Variants in TAX1BP1 observed in about 807,000 individuals in gnomAD.
TAX1BP1 encodes the protein tax1-binding protein 1.
In TAX1BP1, 62 loss-of-function variants were observed where a neutral mutation model predicts 97.7. The observed-to-expected ratio is 0.63, with a 90% CI of 0.52 to 0.78. The LOEUF (loss-of-function observed/expected upper bound fraction) is 0.78, where lower values mean the gene tolerates loss of function less well. Among genes scored for constraint, TAX1BP1 ranks in the 30% least tolerant of loss-of-function variants. The pLI is 0.00. For synonymous variants in TAX1BP1, 340 were observed against 304.2 expected, an observed-to-expected ratio of 1.12 and a Z score of -1.23; for missense variants, 867 against 916.1, an observed-to-expected ratio of 0.95 and a Z score of 0.69.
In TAX1BP1 at chr7:27,760,862, A is replaced by T. The variant is rs185204969; in HGVS notation, c.265+2729A>T. ...TTAATTTGGAATCCTGCGTGCTTTA[A>T]GACACACAGAAATTTATGTCCCACC... On this transcript the variant is annotated intron_variant, in intron 3 of 16. Coordinates refer to ENST00000396319, the MANE Select transcript of TAX1BP1 (RefSeq NM_006024.7). 7.5e-4 allele frequency among the ~76,000 whole-genome samples: 115 copies of T among 152,342 alleles called. 1 individual carries two copies. Among genetic ancestry groups the T allele is most frequent in the African/African-American group, 2.7e-3 (113 of 41,580 alleles).
chr7:27,758,094 G>T lies in TAX1BP1; in HGVS notation c.226G>T (p.Val76Leu), dbSNP rs1788293744. The part of the protein sequence containing the change: ...FLWSPMPEHY[V>L]EGSTVNCVLA... ...ATGGTCCCCTATGCCTGAACATTAT[G>T]TGGAAGGATCAACAGTCAATTGTGT... Residue 76 changes from valine to leucine, a missense_variant, in exon 3 of 17, where the codon GTG (valine) becomes TTG (leucine). Physicochemically the swap from Val to Leu is conservative, Grantham distance 32 (BLOSUM62 1). Coordinates refer to ENST00000396319, the MANE Select transcript of TAX1BP1 (RefSeq NM_006024.7). 6.2e-7 allele frequency: 1 copy of T among 1,612,440 alleles called. No homozygotes were observed.
intron 10 of TAX1BP1, 77 bp downstream of exon 10, chr7:27,793,289 A>C: frequency 8.1e-7 from 1 of 1,240,134 alleles, no homozygotes; most frequent in African/African-American, 1.6e-5. Flanking sequence ...GTAATATTCC[A>C]AATATCAACC....
intron 5 of TAX1BP1, among the ~76,000 whole-genome samples, chr7:27,772,828 GATA>G (rs1248632752): frequency 6.6e-6 from 1 of 151,980 alleles, no homozygotes; most frequent in Non-Finnish European, 1.5e-5. Flanking sequence ...ACTAAAACAA[GATA>G]ATGTTTATAA....
At chr7:27,795,289 A>G (rs1171881786) in intron 11 of TAX1BP1, among the ~76,000 whole-genome samples, 2 of 152,000 alleles carry the variant, frequency 1.3e-5, no homozygotes, top group Non-Finnish European at 2.9e-5. Context: ...ACTTAGTGGT[A>G]ATGAAGGGCT....
chr7:27,756,336 A>C (rs1330876851), intron 2 of TAX1BP1, among the ~76,000 whole-genome samples: 4 of 152,172 alleles, frequency 2.6e-5, no homozygotes, highest in Admixed American at 2.6e-4. Flanking sequence ...AAGTAACTTA[A>C]GAACTATTGT....
At chr7:27,822,297 A>G (rs1338946051) in intron 15 of TAX1BP1, among the ~76,000 whole-genome samples, 1 of 152,176 alleles carries the variant, frequency 6.6e-6, no homozygotes, top group East Asian at 1.9e-4. Flanking sequence ...TGGCTATGGC[A>G]TACGTGCTTT....
At chr7:27,805,335 T>A (rs182214383) in intron 13 of TAX1BP1, among the ~76,000 whole-genome samples, 117 of 152,334 alleles carry the variant, frequency 7.7e-4, no homozygotes, top group African/African-American at 2.7e-3. Flanking sequence ...TTTACTTATC[T>A]TGTTATATAT....
intron 13 of TAX1BP1, among the ~76,000 whole-genome samples, chr7:27,813,867 A>C (rs1228996934): frequency 6.6e-6 from 1 of 152,032 alleles, no homozygotes; most frequent in African/African-American, 2.4e-5. Context: ...AAACACATTA[A>C]TTTTCTTTCA....
intron 12 of TAX1BP1, among the ~76,000 whole-genome samples, chr7:27,799,447 A>T (rs1265477325): frequency 6.6e-6 from 1 of 152,162 alleles, no homozygotes; most frequent in Non-Finnish European, 1.5e-5. Context: ...ACTGCATGGA[A>T]ACAACAGCAT....
chr7:27,771,686 G>A lies in TAX1BP1; in HGVS notation c.612+1852G>A, dbSNP rs555448676. The stretch of plus-strand genomic sequence containing the variant: ...CCTTGGTGCTCAGAAGAGGTCTTCA[G>A]CAGAAGTTTTTATGCCAACTCTTAA... On this transcript the variant is annotated intron_variant, in intron 5 of 16. Coordinates refer to ENST00000396319, the MANE Select transcript of TAX1BP1 (RefSeq NM_006024.7). Among the ~76,000 whole-genome samples, 207 of 152,140 alleles carry A rather than the reference G, an allele frequency of 1.4e-3. 1 individual carries two copies. The highest frequency in any genetic ancestry group is 4.5e-3 in the African/African-American group (186 of 41,540).
At chr7:27,812,688 T>G (rs890314808) in intron 13 of TAX1BP1, among the ~76,000 whole-genome samples, 1 of 152,232 alleles carries the variant, frequency 6.6e-6, no homozygotes, top group Non-Finnish European at 1.5e-5. Flanking sequence ...TTATTTTGTA[T>G]ATAAGTACCC....
Position 27,792,114 on chromosome 7 carries a change from G to T in TAX1BP1, c.1147G>T (p.Val383Leu). 1.9e-6 allele frequency: 3 copies of T among 1,614,060 alleles called. No individual in the cohort carries two copies. Among genetic ancestry groups the T allele is most frequent in the Non-Finnish European group, 2.5e-6 (3 of 1,180,028 alleles). Reference protein sequence around the residue: ...LAKELSDAVNVRDRTMADLHT... With the variant: ...LAKELSDAVNLRDRTMADLHT... Reference sequence around the variant, plus strand: ...TAAAGAACTCAGTGATGCTGTCAACGTACGAGACAGAACGATGGCAGACCT... The same window carrying T: ...TAAAGAACTCAGTGATGCTGTCAACTTACGAGACAGAACGATGGCAGACCT... The change falls in exon 9 of 17, where the codon GTA (valine) becomes TTA (leucine). Residue 383 changes from valine to leucine, a missense_variant. Physicochemically the swap from Val to Leu is conservative, Grantham distance 32. Around this residue, in one of 3 missense-constraint regions of TAX1BP1, gnomAD observed 822 missense variants for 851.4 expected, o/e 0.97. Coordinates refer to ENST00000396319, the MANE Select transcript of TAX1BP1 (RefSeq NM_006024.7).
intron 13 of TAX1BP1, among the ~76,000 whole-genome samples, chr7:27,807,860 G>A (rs528377133): frequency 5.7e-4 from 87 of 151,796 alleles, no homozygotes; most frequent in African/African-American, 2.1e-3. Flanking sequence ...ATTTATCATT[G>A]TAGACTCATG....
chr7:27,806,936 T>C (rs1790362643), intron 13 of TAX1BP1, among the ~76,000 whole-genome samples: 1 of 152,198 alleles, frequency 6.6e-6, no homozygotes, highest in South Asian at 2.1e-4. Flanking sequence ...TTCAGGAATT[T>C]TAAATAATTT....
intron 8 of TAX1BP1, among the ~76,000 whole-genome samples, chr7:27,789,586 T>C (rs2128317299): frequency 6.6e-6 from 1 of 152,090 alleles, no homozygotes; most frequent in Admixed American, 6.5e-5. Context: ...TTTGCACCTT[T>C]TTCTCACTGA....
At chr7:27,796,287 T>A in intron 12 of TAX1BP1, 68 bp downstream of exon 12, 2 of 1,233,240 alleles carry the variant, frequency 1.6e-6, no homozygotes, top group Non-Finnish European at 2.3e-6. Context: ...CCTTTATTGT[T>A]TCAATTGATT....
intron 15 of TAX1BP1, among the ~76,000 whole-genome samples, chr7:27,823,181 C>T (rs769553238): frequency 2.0e-5 from 3 of 151,992 alleles, no homozygotes; most frequent in Non-Finnish European, 2.9e-5. Flanking sequence ...TAAGCAATAA[C>T]ATCTCATAAG....
chr7:27,750,370 C>T (rs1242823414), intron 2 of TAX1BP1, among the ~76,000 whole-genome samples: 2 of 152,164 alleles, frequency 1.3e-5, no homozygotes, highest in African/African-American at 2.4e-5. Flanking sequence ...TTGGGATGCC[C>T]AACCAGTAGG....
chr7:27,792,932 A>G, intron 9 of TAX1BP1, 134 bp from the exon 10 acceptor site: 1 of 740,098 alleles, frequency 1.4e-6, no homozygotes. Flanking sequence ...ACTGTGTTTC[A>G]GCCTGGGTGA....
Sources: allele counts gnomAD v4.1 joint callset (sites outside exome capture counted in the v4.1 genomes callset), GRCh38; gene constraint gnomAD v4.1.1; regional missense constraint gnomAD v4.1.1; transcripts MANE v1.5; gene names NCBI Gene and HGNC (gene_info 2026-07-23, HGNC 2026-07-21).